The following PNKD variants were observed in gnomAD, a reference collection of about 807,000 sequenced individuals.
PNKD encodes PNKD metallo-beta-lactamase domain containing.
A neutral mutation model predicts 45.3 loss-of-function variants in PNKD; 36 were observed. The ratio of observed to expected loss-of-function variants is 0.80; its 90% CI spans 0.61 to 1.05. PNKD has a LOEUF of 1.05. Ranked by LOEUF, PNKD falls within the 50% of genes least tolerant of loss-of-function variation. PNKD has a pLI of 0.00. For synonymous variants in PNKD, 197 were observed against 210.1 expected (o/e 0.94, Z 0.54); for missense variants, 511 against 506.6 (o/e 1.01, Z -0.08).
chr2:218,278,918 C>T (rs1188030353), intron 2 of PNKD: 2 of 1,171,570 alleles, frequency 1.7e-6, no homozygotes, highest in Non-Finnish European at 2.5e-6. Context: ...GGGAAACTGG[C>T]ACCAACTTGG....
At chr2:218,279,211 C>T (rs1202598391) in intron 2 of PNKD, 2 of 1,556,520 alleles carry the variant, frequency 1.3e-6, no homozygotes, top group Non-Finnish European at 8.8e-7. Flanking sequence ...GAGCAGGGCC[C>T]ACCGCCACCC....
chr2:218,287,544 C>T (rs1692620210), intron 2 of PNKD, among the ~76,000 whole-genome samples: 1 of 152,078 alleles, frequency 6.6e-6, no homozygotes, highest in East Asian at 1.9e-4. Flanking sequence ...CCCATGTCTA[C>T]TAAAAAATAC....
intron 2 of PNKD, among the ~76,000 whole-genome samples, chr2:218,295,757 G>T (rs1392124334): frequency 6.6e-6 from 1 of 152,028 alleles, no homozygotes; most frequent in African/African-American, 2.4e-5. Flanking sequence ...GGTTGGGGAG[G>T]CTCTGGTGGT....
intron 2 of PNKD, among the ~76,000 whole-genome samples, chr2:218,304,642 C>A (rs1017380272): frequency 6.6e-6 from 1 of 152,170 alleles, no homozygotes; most frequent in African/African-American, 2.4e-5. Context: ...CACATGTTTT[C>A]TACCCAGGCT....
chr2:218,275,346 C>T (rs1307645286), intron 2 of PNKD: 1 of 1,314,440 alleles, frequency 7.6e-7, no homozygotes, highest in African/African-American at 1.5e-5. Flanking sequence ...GTCTCCAGGA[C>T]AGAAAGGAAA....
chr2:218,295,542 C>T (rs7603648), intron 2 of PNKD, among the ~76,000 whole-genome samples: 7,559 of 151,748 alleles, frequency 0.05, 627 homozygotes, highest in African/African-American at 0.17. Flanking sequence ...CCAGCCTATT[C>T]GGAGGAGGGG....
intron 2 of PNKD, 150 bp downstream of exon 2, chr2:218,271,699 G>A: frequency 2.9e-6 from 2 of 678,546 alleles, no homozygotes; most frequent in Non-Finnish European, 5.1e-6. Flanking sequence ...CAGAGGGGTG[G>A]GGCAGTGGAG....
chr2:218,287,499 G>A (rs1199252080), intron 2 of PNKD, among the ~76,000 whole-genome samples: 1 of 152,138 alleles, frequency 6.6e-6, no homozygotes, highest in Non-Finnish European at 1.5e-5. Context: ...CACGAGGTCA[G>A]GAGATCAAGA....
At chr2:218,333,409 C>A (rs1488530098) in intron 2 of PNKD, among the ~76,000 whole-genome samples, 1 of 152,194 alleles carries the variant, frequency 6.6e-6, no homozygotes, top group Admixed American at 6.5e-5. Flanking sequence ...GAGCTTATCA[C>A]CCCTCCCAGA....
At chr2:218,319,371 C>CTTTTTTTTTTTTT (rs35553031) in intron 2 of PNKD, among the ~76,000 whole-genome samples, 14 of 80,212 alleles carry the variant, frequency 1.7e-4, no homozygotes, top group Non-Finnish European at 2.1e-4. Flanking sequence ...TCTTGTTTGT[C>CTTTTTTTTTTTTT]TTTTTTTTTT....
chr2:218,340,840 G>T lies in PNKD; in HGVS notation c.524+54G>T. On this transcript the variant is annotated intron_variant, in intron 5 of 9. Transcript: ENST00000273077. This position sits in a 1 kb window ranked among gnomAD's most constrained non-coding sequence, Gnocchi z 4.2. ...CCCTTGTCCCAGCTGGGCTTGCCAG[G>T]ACTGGGCCCATTGAGGACGGCCGGG... 6.7e-7 allele frequency: 1 copy of T among 1,485,572 alleles called. No individual in the cohort carries two copies. The highest frequency in any genetic ancestry group is 9.4e-7 in the Non-Finnish European group (1 of 1,062,764). 92.0% of individuals were successfully genotyped at this position (1,485,572 alleles called of 1,614,324 possible). A position where few individuals can be genotyped will look rare whatever the true frequency, so the allele number is the denominator to read the frequency against.
intron 2 of PNKD, chr2:218,272,821 C>A: frequency 1.9e-6 from 3 of 1,612,376 alleles, no homozygotes; most frequent in Non-Finnish European, 2.5e-6. Context: ...GGCCCAGATT[C>A]CAGTTCGTGC....
intron 2 of PNKD, among the ~76,000 whole-genome samples, chr2:218,294,905 G>A (rs1401734743): frequency 6.6e-6 from 1 of 152,188 alleles, no homozygotes; most frequent in East Asian, 1.9e-4. Context: ...AATGAATGGA[G>A]TGGGGACAAC....
At chr2:218,305,695 C>T (rs939209587) in intron 2 of PNKD, among the ~76,000 whole-genome samples, 1 of 152,128 alleles carries the variant, frequency 6.6e-6, no homozygotes, top group African/African-American at 2.4e-5. Context: ...GCTATGGCTC[C>T]TCTGGGTGTG....
intron 2 of PNKD, chr2:218,287,222 A>C (rs899446668): frequency 6.6e-6 from 1 of 152,264 alleles, no homozygotes; most frequent in African/African-American, 2.4e-5. Context: ...CATTTGACAG[A>C]CAAGGAAACC....
At chr2:218,296,574 T>C (rs916108649) in intron 2 of PNKD, among the ~76,000 whole-genome samples, 1 of 152,310 alleles carries the variant, frequency 6.6e-6, no homozygotes, top group East Asian at 1.9e-4. Context: ...TCCAAACCCT[T>C]CTCATAGCTG....
intron 2 of PNKD, chr2:218,280,676 A>G: frequency 6.4e-6 from 1 of 155,666 alleles, no homozygotes; most frequent in Non-Finnish European, 1.4e-5. Context: ...TCTGGGGTTC[A>G]GAGATGCTGC....
intron 2 of PNKD, among the ~76,000 whole-genome samples, chr2:218,279,744 G>A (rs997995320): frequency 7.2e-5 from 11 of 152,218 alleles, no homozygotes; most frequent in Non-Finnish European, 1.5e-4. Context: ...AAGGGAGAAA[G>A]ATGTCTGGGG....
intron 2 of PNKD, 70 bp from the exon 3 acceptor site, chr2:218,339,713 A>C: frequency 1.1e-6 from 1 of 872,426 alleles, no homozygotes; most frequent in South Asian, 1.4e-5. Flanking sequence ...TGGGGCCTGC[A>C]GGCATCACGA....
Sources: allele counts gnomAD v4.1 joint callset (sites outside exome capture counted in the v4.1 genomes callset), GRCh38; gene constraint gnomAD v4.1.1; non-coding constraint Gnocchi (gnomAD v3.1); transcripts MANE v1.5; gene names NCBI Gene and HGNC (gene_info 2026-07-23, HGNC 2026-07-21).